Variants in TLE2 observed in about 807,000 individuals in gnomAD.
TLE2 encodes the protein transducin-like enhancer protein 2.
In TLE2, 74 loss-of-function variants were observed where a neutral mutation model predicts 97.2. The observed-to-expected ratio is 0.76, with a 90% confidence interval of 0.63 to 0.92. The LOEUF (loss-of-function observed/expected upper bound fraction) is 0.92, where lower values mean the gene tolerates loss of function less well. Among genes scored for constraint, TLE2 ranks in the 40% least tolerant of loss-of-function variants. The pLI, the probability that TLE2 is intolerant of heterozygous loss-of-function variation, is 0.00. For synonymous variants in TLE2, 499 were observed against 432.1 expected (o/e 1.15, Z -1.92); for missense variants, 1,038 against 1,008.7 (o/e 1.03, Z -0.39).
At position 3,015,745 on chromosome 19, in the gene TLE2, G is replaced by A; in HGVS notation, c.586C>T (p.Pro196Ser). 1 of 1,609,478 alleles carries A rather than the reference G, an allele frequency of 6.2e-7. No homozygotes were observed. Among genetic ancestry groups the A allele is most frequent in the Non-Finnish European group, 8.5e-7 (1 of 1,178,554 alleles). ...TCCTCCTCCACGAGACTCTCAGGGG[G>A]CGAGGGAGATGCACTCTGCGGAGAG... ...RAPSRSASPSPPESLVEEERP... is the reference protein window; with the variant it reads ...RAPSRSASPSSPESLVEEERP... Residue 196 changes from proline (P) to serine (S), a missense_variant, in exon 9 of 20, where the codon CCC (proline) becomes TCC (serine). Transcript: ENST00000262953.
In TLE2 at chr19:3,042,265, G is replaced by A. The variant is rs543272349; in HGVS notation, c.63+3461C>T. On this transcript the variant is annotated intron_variant, in intron 1 of 18. Coordinates refer to the TLE2 transcript ENST00000426948. ...AGAGGAGGAGGCCCCCGGGTGGAGG[G>A]GACCCTGTGGAGGGGCAGGGAGGAA... Among the ~76,000 whole-genome samples the A allele has an allele frequency of 3.5e-3, 430 of 121,400 alleles. 6 individuals carry two copies. The highest frequency in any genetic ancestry group is 0.013 in the African/African-American group (395 of 31,134). 79.6% of individuals were successfully genotyped at this position (121,400 alleles called of 152,430 possible). A position where few individuals can be genotyped will look rare whatever the true frequency, so the allele number is the denominator to read the frequency against.
chr19:3,005,622 C>T (rs1210035850), intron 16 of TLE2, 38 bp from the exon 17 acceptor site: 3 of 1,610,930 alleles, frequency 1.9e-6, no homozygotes, highest in Non-Finnish European at 8.5e-7. Context: ...TCCTGGAATT[C>T]GAGCTGCCCC....
rs112835409 is a variant in TLE2 at position 3,028,213 on chromosome 19, C to A, written c.186+106G>T. ...AATCCCAACCTGCCCAATGTACAGACGGGGAAGACGAGGTTCGGAGTGGGG... is the reference window on the plus strand; with the variant it reads ...AATCCCAACCTGCCCAATGTACAGAAGGGGAAGACGAGGTTCGGAGTGGGG... On this transcript the variant is annotated intron_variant, in intron 3 of 19. Coordinates refer to ENST00000262953, the MANE Select transcript of TLE2 (RefSeq NM_003260.5). 2.3e-5 allele frequency: 27 copies of A among 1,191,818 alleles called. 1 individual carries two copies. The highest frequency in any genetic ancestry group is 1.5e-4 in the African/African-American group (10 of 65,890). 73.8% of individuals were successfully genotyped at this position (1,191,818 alleles called of 1,614,324 possible). A position where few individuals can be genotyped will look rare whatever the true frequency, so the allele number is the denominator to read the frequency against.
chr19:3,013,696 C>A lies in TLE2; in HGVS notation c.846G>T (p.Pro282=). ...GGATGAGCTCCTTGGCTCTAGGCAG[C>A]GGTGAGCCAAGGCTAGAGGCCAAGG... The part of the protein sequence containing the change: ...PASLASSLGS[P]LPRAKELILN... The change falls in exon 11 of 20, where the codon CCG becomes CCT. Residue 282 remains proline, a synonymous_variant. Coordinates refer to ENST00000262953, the MANE Select transcript of TLE2 (RefSeq NM_003260.5). 1 of 1,479,378 alleles carries A rather than the reference C, an allele frequency of 6.8e-7. No individual in the cohort carries two copies. The highest frequency in any genetic ancestry group is 9.0e-7 in the Non-Finnish European group (1 of 1,113,152). 91.6% of individuals were successfully genotyped at this position (1,479,378 alleles called of 1,614,324 possible). A position where few individuals can be genotyped will look rare whatever the true frequency, so the allele number is the denominator to read the frequency against.
chr19:3,019,204 A>C lies in TLE2; in HGVS notation c.550+79T>G. The C allele has an allele frequency of 4.6e-6, 7 of 1,513,508 alleles. No individual in the cohort carries two copies. The highest frequency in any genetic ancestry group is 6.2e-6 in the Non-Finnish European group (7 of 1,132,134). The allele number at this position is 1,513,508 out of a possible 1,614,324, so 93.8% of individuals were successfully genotyped here. ...TGAGCCACTTCATCCCCTCACGCTG[A>C]TGTTTGCTACCCTGGACTGCCAGTC... On this transcript the variant is annotated intron_variant, in intron 7 of 19. Transcript: ENST00000262953. This position sits in a 1 kb window ranked among gnomAD's most constrained non-coding sequence, Gnocchi z 5.1.
chr19:3,028,592 T>C (rs2089986111), intron 2 of TLE2, 114 bp downstream of exon 2: 4 of 1,295,668 alleles, frequency 3.1e-6, no homozygotes, highest in Admixed American at 3.8e-5. Context: ...TGGAGGCCTT[T>C]GTCGCGCCCC....
intron 10 of TLE2, 69 bp downstream of exon 10, chr19:3,014,500 TC>T: frequency 7.1e-7 from 1 of 1,403,164 alleles, no homozygotes; most frequent in Non-Finnish European, 9.5e-7. Context: ...CTCTGGGTCC[TC>T]CCAGTCCAGA....
At chr19:3,001,785 T>C (rs1382644555) in intron 18 of TLE2, among the ~76,000 whole-genome samples, 4 of 138,074 alleles carry the variant, frequency 2.9e-5, no homozygotes, top group Non-Finnish European at 6.1e-5. Flanking sequence ...TAAATTTCTT[T>C]TCTTTCTTTT....
intron 1 of TLE2, among the ~76,000 whole-genome samples, chr19:3,035,339 G>A (rs2090053833): frequency 6.6e-6 from 1 of 152,130 alleles, no homozygotes; most frequent in African/African-American, 2.4e-5. Flanking sequence ...CGTGGGTAGA[G>A]TCCCCAGCGA....
At chr19:2,999,988 G>A (rs1182625452) in intron 19 of TLE2, among the ~76,000 whole-genome samples, 2 of 151,042 alleles carry the variant, frequency 1.3e-5, no homozygotes, top group African/African-American at 2.4e-5. Flanking sequence ...AGCCGAGATC[G>A]CAACACTGCA....
chr19:3,022,753 C>G (rs1400874349), intron 5 of TLE2, among the ~76,000 whole-genome samples: 2 of 152,038 alleles, frequency 1.3e-5, no homozygotes, highest in Non-Finnish European at 2.9e-5. Context: ...GGATACAGAG[C>G]TCCCATGGGG....
intron 9 of TLE2, 55 bp downstream of exon 9, chr19:3,015,598 C>T (rs2089684433): frequency 1.4e-6 from 2 of 1,439,852 alleles, no homozygotes; most frequent in South Asian, 2.4e-5. Flanking sequence ...TCTGAGGGGC[C>T]AGGCTGGTCT....
chr19:3,031,568 G>A (rs1184108321), upstream of TLE2, among the ~76,000 whole-genome samples: 3 of 151,324 alleles, frequency 2.0e-5, no homozygotes, highest in Admixed American at 6.6e-5. Context: ...GGGCTCAATC[G>A]ATCCTCCCAC....
chr19:3,009,412 A>G (rs2089543332), intron 13 of TLE2, 130 bp downstream of exon 13: 6 of 1,143,396 alleles, frequency 5.2e-6, no homozygotes, highest in Admixed American at 3.2e-5. Context: ...CTTCCCATGC[A>G]TACTTGCTGA....
In TLE2 at chr19:3,019,968, A is replaced by C. The variant is rs1156652451; in HGVS notation, c.295-195T>G. 11 of 728,002 alleles carry C rather than the reference A, an allele frequency of 1.5e-5. No homozygotes were observed. In the East Asian group the frequency reaches 3.0e-4, roughly 20 times the overall value. The allele number at this position is 728,002 out of a possible 1,614,324, so 45.1% of individuals were successfully genotyped here. A position where few individuals can be genotyped will look rare whatever the true frequency, so the allele number is the denominator to read the frequency against. ...AAATAAGCACACGGAGAAAGAAACC[A>C]AACCTAAGTGCAGGTAGAATAGTTA... is the stretch of plus-strand genomic sequence containing the variant. On this transcript the variant is annotated intron_variant, in intron 5 of 19. Transcript: ENST00000262953. This position sits in a 1 kb window ranked among gnomAD's most constrained non-coding sequence, Gnocchi z 5.1.
At position 3,006,628 on chromosome 19, in the gene TLE2, G is replaced by A. The variant is rs761273219; in HGVS notation, c.1292C>T (p.Pro431Leu). 1.9e-6 allele frequency: 3 copies of A among 1,610,360 alleles called. No individual in the cohort carries two copies. Among genetic ancestry groups the A allele is most frequent in the South Asian group, 1.1e-5 (1 of 90,738 alleles). ...FHVSADGQMQ[P>L]VPFPSDALVG... ...CAGTGCATCCGAGGGGAAGGGAACCGGCTGCATCTGCCCGTCCGCAGACAC... is the reference window on the plus strand; with the variant it reads ...CAGTGCATCCGAGGGGAAGGGAACCAGCTGCATCTGCCCGTCCGCAGACAC... Residue 431 changes from proline (P) to leucine (L), a missense_variant, in exon 15 of 20, where the codon CCG becomes CTG. Pro to Leu is a moderately conservative substitution (Grantham distance 98). Transcript: ENST00000262953.
At position 3,009,717 on chromosome 19, in the gene TLE2, T is replaced by A; in HGVS notation, c.1013-15A>T. The stretch of plus-strand genomic sequence containing the variant: ...GCTCCTCAGGGCTGAGACGGAAGAG[T>A]CGGGGACAGGTTTTGACGCCCTGGA... On this transcript the variant is annotated splice_polypyrimidine_tract_variant and intron_variant, in intron 12 of 19. Transcript: ENST00000262953. The A allele has an allele frequency of 6.2e-7, 1 of 1,601,388 alleles. No individual in the cohort carries two copies. The highest frequency in any genetic ancestry group is 8.5e-7 in the Non-Finnish European group (1 of 1,175,038).
intron 1 of TLE2, among the ~76,000 whole-genome samples, chr19:3,044,549 T>C (rs2090128263): frequency 6.6e-6 from 1 of 152,196 alleles, no homozygotes; most frequent in African/African-American, 2.4e-5. Context: ...CTTCCTGAGT[T>C]GCTGGGATTA....
intron 1 of TLE2, among the ~76,000 whole-genome samples, chr19:3,034,686 T>TACAC (rs138945358): frequency 2.3e-4 from 34 of 149,954 alleles, no homozygotes; most frequent in African/African-American, 6.1e-4. Flanking sequence ...CATACGCGCG[T>TACAC]ACACACACAC....
Sources: gnomAD v4.1 joint callset for allele counts (sites outside exome capture counted in the v4.1 genomes callset) on GRCh38, gnomAD v4.1.1 for gene constraint, Gnocchi (gnomAD v3.1) non-coding constraint, MANE v1.5 for transcripts, NCBI Gene and HGNC (gene_info 2026-07-23, HGNC 2026-07-21) for gene names.